The following CERT1 variants were observed in gnomAD, a reference collection of about 807,000 sequenced individuals.
The protein encoded by CERT1 is ceramide transfer protein.
Under a neutral mutation model 87.9 loss-of-function variants are expected in CERT1, and 31 were observed. That is an observed-to-expected ratio of 0.35 (90% CI 0.27 to 0.48). CERT1 has a LOEUF of 0.48. Among genes scored for constraint, CERT1 ranks in the 20% least tolerant of loss-of-function variants. The pLI is 0.99. For missense variants in CERT1, 487 were observed against 758.0 expected, an observed-to-expected ratio of 0.64 and a Z score of 4.20; for synonymous variants, 289 against 250.9, an observed-to-expected ratio of 1.15 and a Z score of -1.44.
intron 12 of CERT1, among the ~76,000 whole-genome samples, chr5:75,386,941 C>G (rs1396839690): frequency 6.6e-6 from 1 of 152,134 alleles, no homozygotes; most frequent in Non-Finnish European, 1.5e-5. Flanking sequence ...CGTCTCGGCT[C>G]ACTGCAACCT....
chr5:75,474,665 G>C (rs143480488), intron 2 of CERT1, among the ~76,000 whole-genome samples: 2 of 152,098 alleles, frequency 1.3e-5, no homozygotes, highest in African/African-American at 2.4e-5. Context: ...AATCGTGTTA[G>C]GAAAACTGGA....
At chr5:75,388,281 G>T (rs771707315) in intron 12 of CERT1, among the ~76,000 whole-genome samples, 21 of 152,160 alleles carry the variant, frequency 1.4e-4, no homozygotes, top group Non-Finnish European at 2.4e-4. Flanking sequence ...TATTCAAGGG[G>T]AGAGGAAATC....
At chr5:75,421,231 A>G (rs535022155) in intron 5 of CERT1, among the ~76,000 whole-genome samples, 1 of 152,320 alleles carries the variant, frequency 6.6e-6, no homozygotes, top group South Asian at 2.1e-4. Flanking sequence ...TATAAGGAAC[A>G]TCTCATCTAT....
intron 2 of CERT1, among the ~76,000 whole-genome samples, chr5:75,466,179 G>A (rs752695175): frequency 6.6e-6 from 1 of 152,170 alleles, no homozygotes; most frequent in Non-Finnish European, 1.5e-5. Flanking sequence ...ATTGGGTTCT[G>A]TCAATGTGGG....
At chr5:75,410,424 A>G (rs1050748857) in intron 8 of CERT1, among the ~76,000 whole-genome samples, 1 of 152,058 alleles carries the variant, frequency 6.6e-6, no homozygotes, top group Non-Finnish European at 1.5e-5. Flanking sequence ...CCTGGCTAAC[A>G]TGGTGAAACC....
intron 3 of CERT1, among the ~76,000 whole-genome samples, chr5:75,447,459 T>TTTATTTATTTAC (rs1418901040): frequency 6.6e-6 from 1 of 150,860 alleles, no homozygotes; most frequent in Non-Finnish European, 1.5e-5. Context: ...TATTTATTTA[T>TTTATTTATTTAC]TTATTTATTT....
intron 2 of CERT1, among the ~76,000 whole-genome samples, chr5:75,466,104 T>C (rs1765443311): frequency 1.3e-5 from 2 of 152,192 alleles, no homozygotes; most frequent in South Asian, 4.1e-4. Context: ...CCCTTCTATA[T>C]ACTGTTTTGT....
chr5:75,464,955 C>A (rs1253719729), intron 2 of CERT1, among the ~76,000 whole-genome samples: 1 of 152,112 alleles, frequency 6.6e-6, no homozygotes, highest in Admixed American at 6.5e-5. Context: ...TATCTAGGTT[C>A]TTTTGCCTGG....
chr5:75,397,052 A>T (rs1762285521), intron 11 of CERT1, among the ~76,000 whole-genome samples: 1 of 152,200 alleles, frequency 6.6e-6, no homozygotes, highest in African/African-American at 2.4e-5. Flanking sequence ...AAGGCAGTGT[A>T]ACATCCTCTG....
At chr5:75,488,135 T>C (rs1766611204) in intron 2 of CERT1, among the ~76,000 whole-genome samples, 1 of 152,036 alleles carries the variant, frequency 6.6e-6, no homozygotes, top group African/African-American at 2.4e-5. Context: ...AATCTAGTAT[T>C]TGATAGCATA....
intron 8 of CERT1, among the ~76,000 whole-genome samples, chr5:75,409,014 A>C (rs1199701229): frequency 6.6e-6 from 1 of 152,032 alleles, no homozygotes; most frequent in African/African-American, 2.4e-5. Context: ...TAGATGATAA[A>C]CTGTACCATA....
At chr5:75,396,030 T>C (rs1214553191) in intron 11 of CERT1, among the ~76,000 whole-genome samples, 3 of 152,210 alleles carry the variant, frequency 2.0e-5, no homozygotes, top group African/African-American at 7.2e-5. Flanking sequence ...TAGATGTACA[T>C]ATTTTATTTT....
At chr5:75,483,069 G>A (rs1345824323) in intron 2 of CERT1, among the ~76,000 whole-genome samples, 2 of 152,200 alleles carry the variant, frequency 1.3e-5, no homozygotes, top group Non-Finnish European at 1.5e-5. Flanking sequence ...ATCCCAGAAT[G>A]ACAGAGAAAT....
In CERT1 at chr5:75,454,581, G is replaced by A. The variant is rs1010130648; in HGVS notation, c.348+4484C>T. 4.6e-5 allele frequency among the ~76,000 whole-genome samples: 7 copies of A among 152,142 alleles called. No homozygotes were observed. In the South Asian group the frequency reaches 8.3e-4, roughly 18 times the overall value. ...GGAACTGCTAACGAACATACAGTGC[G>A]GTGGTGTTTCAAGAAGTTTGCAAAG... On this transcript the variant is annotated intron_variant, in intron 3 of 16. Transcript: ENST00000643780.
chr5:75,445,669 G>A (rs1764506529), intron 3 of CERT1, among the ~76,000 whole-genome samples: 1 of 152,006 alleles, frequency 6.6e-6, no homozygotes. Flanking sequence ...ATAGGATTGG[G>A]TTTTTACTGA....
chr5:75,508,858 A>T (rs1393354912), intron 1 of CERT1, among the ~76,000 whole-genome samples: 1 of 152,156 alleles, frequency 6.6e-6, no homozygotes, highest in Non-Finnish European at 1.5e-5. Context: ...GTGGAAAAAC[A>T]GAAGGTAAAC....
chr5:75,477,647 TAAAAAAAAAAAA>T (rs540588442), intron 2 of CERT1, among the ~76,000 whole-genome samples: 1 of 89,522 alleles, frequency 1.1e-5, no homozygotes, highest in East Asian at 3.4e-4. Flanking sequence ...TAATAAGTTG[TAAAAAAAAAAAA>T]AAAAAAAAAA....
chr5:75,490,836 T>A lies in CERT1; in HGVS notation c.231+15146A>T, dbSNP rs1002553462. On this transcript the variant is annotated intron_variant, in intron 2 of 16. Transcript: ENST00000643780. ...GACTCTATTTTCAGTATCTGGTAAC[T>A]TTTTTTCTTCATTTAAGATAATCTA... is the stretch of plus-strand genomic sequence containing the variant. Among the ~76,000 whole-genome samples, 6 of 152,258 alleles carry A rather than the reference T, an allele frequency of 3.9e-5. No individual in the cohort carries two copies. In the South Asian group the frequency reaches 1.0e-3, roughly 26 times the overall value.
intron 3 of CERT1, among the ~76,000 whole-genome samples, chr5:75,456,598 G>C (rs892765672): frequency 6.9e-6 from 1 of 144,704 alleles, no homozygotes; most frequent in South Asian, 2.2e-4. Context: ...CGTTTGAACC[G>C]AGGAGGCAGA....
Sources: gnomAD v4.1 joint callset for allele counts (sites outside exome capture counted in the v4.1 genomes callset) on GRCh38, gnomAD v4.1.1 for gene constraint, MANE v1.5 for transcripts, NCBI Gene and HGNC (gene_info 2026-07-23, HGNC 2026-07-21) for gene names.